AFF2: variants seen among roughly 807,000 people sequenced by gnomAD.
AFF2 encodes the protein ALF transcription elongation factor 2, also known as AF4/FMR2 family member 2.
A neutral mutation model predicts 76.9 loss-of-function variants in AFF2; 14 were observed. The observed-to-expected ratio is 0.18, with a 90% confidence interval of 0.12 to 0.28. The LOEUF (loss-of-function observed/expected upper bound fraction) is 0.28, where lower values mean the gene tolerates loss of function less well. Among genes scored for constraint, AFF2 ranks in the 10% least tolerant of loss-of-function variants. The probability of loss-of-function intolerance (pLI) is 1.00; values close to 1 mark genes in which losing one functional copy is unlikely to be tolerated. For synonymous variants in AFF2, 398 were observed against 366.7 expected (o/e 1.09, Z -0.98); for missense variants, 868 against 1,001.1 (o/e 0.87, Z 1.79).
At chrX:148,506,082 C>T (rs782404370) in intron 1 of AFF2, among the ~76,000 whole-genome samples, 32 of 110,772 alleles carry the variant, frequency 2.9e-4, no homozygotes, top group South Asian at 1.6e-3. Flanking sequence ...GACTCAATTT[C>T]GTTTAATCCT....
chrX:148,615,958 G>A (rs2053795131), intron 1 of AFF2, among the ~76,000 whole-genome samples: 2 of 111,683 alleles, frequency 1.8e-5, no homozygotes, highest in Non-Finnish European at 3.8e-5. Context: ...CCATATATTT[G>A]TAAATATCTG....
chrX:148,932,290 G>T (rs1325179915), intron 9 of AFF2, among the ~76,000 whole-genome samples: 2 of 112,161 alleles, frequency 1.8e-5, no homozygotes, highest in African/African-American at 3.2e-5. Flanking sequence ...AATTATTCTG[G>T]ATTTCCTGGG....
intron 1 of AFF2, among the ~76,000 whole-genome samples, chrX:148,640,067 T>C (rs1345502149): frequency 8.9e-6 from 1 of 112,610 alleles, no homozygotes; most frequent in Non-Finnish European, 1.9e-5. Flanking sequence ...AGAGAGCAAA[T>C]GCAAAGTTAC....
In AFF2 at chrX:148,830,963, G is replaced by A. The variant is rs782108098; in HGVS notation, c.1087-6684G>A. Among the ~76,000 whole-genome samples, 100 of 111,637 alleles carry A rather than the reference G, an allele frequency of 9.0e-4. 1 individual carries two copies. The highest frequency in any genetic ancestry group is 3.1e-3 in the African/African-American group (95 of 30,727). On this transcript the variant is annotated intron_variant, in intron 4 of 20. Transcript: ENST00000370460. Reference sequence around the variant, plus strand: ...AAAAAAAGACAGACTTTCCCAAAGAGGCCATTTTAGAGGCCTCCCCTTGGG... The same window carrying A: ...AAAAAAAGACAGACTTTCCCAAAGAAGCCATTTTAGAGGCCTCCCCTTGGG...
Position 148,508,743 on chromosome X carries a change from G to A in AFF2, c.47+7599G>A, listed in dbSNP as rs149637597. ...AACCACAGTGACTAAATTAGACTCA[G>A]TGTGATGGATGTTTCTGATGAAGTG... On this transcript the variant is annotated intron_variant, in intron 1 of 20. Coordinates refer to ENST00000370460, the MANE Select transcript of AFF2 (RefSeq NM_002025.4). 6.9e-3 allele frequency among the ~76,000 whole-genome samples: 772 copies of A among 112,059 alleles called. 3 individuals carry two copies. Among genetic ancestry groups the A allele is most frequent in the African/African-American group, 0.024 (736 of 30,856 alleles).
intron 3 of AFF2, among the ~76,000 whole-genome samples, chrX:148,690,825 T>C (rs2054643445): frequency 9.0e-6 from 1 of 111,568 alleles, no homozygotes; most frequent in South Asian, 3.8e-4. Flanking sequence ...TCCCCACAAT[T>C]TTGGAGGCTA....
intron 1 of AFF2, among the ~76,000 whole-genome samples, chrX:148,575,126 T>C (rs1464972308): frequency 9.0e-6 from 1 of 111,163 alleles, no homozygotes; most frequent in Non-Finnish European, 1.9e-5. Context: ...AATGGTTGAA[T>C]TGAATTAAAA....
At chrX:148,600,532 GAA>G (rs782106628) in intron 1 of AFF2, among the ~76,000 whole-genome samples, 68 of 112,109 alleles carry the variant, frequency 6.1e-4, no homozygotes, top group Non-Finnish European at 1.2e-3. Flanking sequence ...ATGCAAGAAG[GAA>G]AGAAAAGCTT....
chrX:148,669,351 T>A (rs782409812), intron 3 of AFF2, among the ~76,000 whole-genome samples: 124 of 112,121 alleles, frequency 1.1e-3, no homozygotes, highest in African/African-American at 3.9e-3. Context: ...TGCTTCCACA[T>A]TTTCATGTAT....
chrX:148,749,940 C>G (rs1010045526), intron 3 of AFF2, among the ~76,000 whole-genome samples: 6 of 96,083 alleles, frequency 6.2e-5, no homozygotes, highest in African/African-American at 2.4e-4. Context: ...TGCTGAGGGC[C>G]TGCACCCTTT....
intron 3 of AFF2, among the ~76,000 whole-genome samples, chrX:148,756,664 T>A (rs1026754256): frequency 8.9e-6 from 1 of 112,617 alleles, no homozygotes; most frequent in Non-Finnish European, 1.9e-5. Flanking sequence ...AGGTATAGTT[T>A]TGAATTTTAA....
rs376847932 is a variant in AFF2, at chrX:148,904,302, A to C, written c.1397+44A>C. ...TAGTTGCAAATGTTAATTTTAACGG[A>C]CTCGATGCATGTGAAAAAATAAGGT... On this transcript the variant is annotated intron_variant, in intron 9 of 20. Transcript: ENST00000370460. The C allele has an allele frequency of 5.2e-6, 4 of 772,556 alleles. No individual in the cohort carries two copies. In the Admixed American group the frequency reaches 9.8e-5, roughly 19 times the overall value. The allele number at this position is 772,556 out of a possible 1,213,427, so 63.7% of individuals were successfully genotyped here. A position where few individuals can be genotyped will look rare whatever the true frequency, so the allele number is the denominator to read the frequency against.
intron 3 of AFF2, among the ~76,000 whole-genome samples, chrX:148,786,805 A>G (rs2069826970): frequency 9.0e-6 from 1 of 110,719 alleles, no homozygotes; most frequent in African/African-American, 3.3e-5. Flanking sequence ...TGTGTTTGAA[A>G]CTCCTACAAT....
At chrX:148,888,045 C>T (rs782521182) in intron 8 of AFF2, among the ~76,000 whole-genome samples, 11 of 111,801 alleles carry the variant, frequency 9.8e-5, no homozygotes, top group Middle Eastern at 4.6e-3. Flanking sequence ...CGGCAAAATT[C>T]GCATAACATA....
At chrX:148,892,828 C>G (rs1358702641) in intron 8 of AFF2, among the ~76,000 whole-genome samples, 1 of 111,464 alleles carries the variant, frequency 9.0e-6, no homozygotes, top group Non-Finnish European at 1.9e-5. Context: ...CAAGTTGTTA[C>G]CTCCCCAAGG....
At chrX:148,809,712 A>G (rs1213663822) in intron 3 of AFF2, among the ~76,000 whole-genome samples, 164 bp from the exon 4 acceptor site, 1 of 112,121 alleles carries the variant, frequency 8.9e-6, no homozygotes, top group African/African-American at 3.2e-5. Flanking sequence ...TTACCGCTTC[A>G]TTAAAGTAAA....
At chrX:148,830,934 T>TAA (rs1557273267) in intron 4 of AFF2, among the ~76,000 whole-genome samples, 4 of 103,845 alleles carry the variant, frequency 3.9e-5, no homozygotes, top group African/African-American at 1.1e-4. Context: ...TCTACAACTG[T>TAA]AAAAAAAAAA....
At chrX:148,563,604 TG>T (rs782644634) in intron 1 of AFF2, among the ~76,000 whole-genome samples, 15 of 112,282 alleles carry the variant, frequency 1.3e-4, no homozygotes, top group Non-Finnish European at 2.4e-4. Context: ...CCATTTGCTA[TG>T]CTTTATGCTT....
chrX:148,987,883 GT>G (rs1166414581), intron 20 of AFF2, among the ~76,000 whole-genome samples: 4 of 111,890 alleles, frequency 3.6e-5, no homozygotes, highest in Non-Finnish European at 5.6e-5. Flanking sequence ...TTATGACCCT[GT>G]TGGCTCCTGT....
Sources: allele counts gnomAD v4.1 joint callset (sites outside exome capture counted in the v4.1 genomes callset), GRCh38; gene constraint gnomAD v4.1.1; transcripts MANE v1.5; gene names NCBI Gene and HGNC (gene_info 2026-07-23, HGNC 2026-07-21).